Variants in RBFOX1 observed in about 807,000 individuals in gnomAD.
RBFOX1 encodes RNA binding fox-1 homolog 1, also known as RNA binding protein fox-1 homolog 1.
Under a neutral mutation model 57.7 loss-of-function variants are expected in RBFOX1, and 8 were observed. That is an observed-to-expected ratio of 0.14 (90% confidence interval 0.08 to 0.25). The LOEUF (loss-of-function observed/expected upper bound fraction) is 0.25. Ranked by LOEUF, RBFOX1 falls within the 10% of genes least tolerant of loss-of-function variation. RBFOX1 has a pLI of 1.00. For missense variants in RBFOX1, 611 were observed against 548.5 expected (o/e 1.11, Z -1.14); for synonymous variants, 326 against 222.4 (o/e 1.47, Z -4.15).
chr16:7,384,438 G>T (rs531152958), intron 4 of RBFOX1, among the ~76,000 whole-genome samples: 2 of 152,232 alleles, frequency 1.3e-5, no homozygotes, highest in Admixed American at 1.3e-4. Context: ...TTGAATTTAG[G>T]CTTGGAGCTG....
intron 3 of RBFOX1, among the ~76,000 whole-genome samples, chr16:6,907,715 C>T (rs2070411430): frequency 6.6e-6 from 1 of 152,102 alleles, no homozygotes; most frequent in Admixed American, 6.5e-5. Context: ...GGATTACAGG[C>T]ATGCACCACC....
intron 2 of RBFOX1, among the ~76,000 whole-genome samples, chr16:5,586,471 C>A (rs556990543): frequency 6.6e-6 from 1 of 152,278 alleles, no homozygotes; most frequent in Non-Finnish European, 1.5e-5. Context: ...GTTTTACTAA[C>A]TATTGCTATT....
At position 7,710,972 on chromosome 16, in the gene RBFOX1, T is replaced by C; in HGVS notation, c.*227T>C. The stretch of plus-strand genomic sequence containing the variant: ...TCTGAAGGTTCCGTAGTTTGGTTGC[T>C]GGCTGTAGGAGTTTTTGTGGTTGAT... On this transcript the variant is annotated 3_prime_UTR_variant, in exon 16 of 16. Coordinates refer to ENST00000550418, the MANE Select transcript of RBFOX1 (RefSeq NM_018723.4). 2.0e-6 allele frequency: 1 copy of C among 493,998 alleles called. No homozygotes were observed. The allele number at this position is 493,998 out of a possible 1,614,324, so 30.6% of individuals were successfully genotyped here. A position where few individuals can be genotyped will look rare whatever the true frequency, so the allele number is the denominator to read the frequency against.
chr16:6,657,964 T>C (rs2098672202), intron 3 of RBFOX1, among the ~76,000 whole-genome samples: 1 of 152,192 alleles, frequency 6.6e-6, no homozygotes, highest in Non-Finnish European at 1.5e-5. Context: ...TCTGTCTACT[T>C]CGTTTCCAGA....
At chr16:6,949,764 A>G (rs554260464) in intron 3 of RBFOX1, among the ~76,000 whole-genome samples, 50 of 152,004 alleles carry the variant, frequency 3.3e-4, no homozygotes, top group African/African-American at 1.1e-3. Context: ...AAGGGACACA[A>G]TTCGGTTCTG....
chr16:6,045,372 C>T (rs557824688), intron 1 of RBFOX1, among the ~76,000 whole-genome samples: 1 of 152,146 alleles, frequency 6.6e-6, no homozygotes, highest in African/African-American at 2.4e-5. Context: ...TGAGAGTTCT[C>T]TAGGAAGTAG....
intron 1 of RBFOX1, among the ~76,000 whole-genome samples, chr16:6,168,044 GTT>G: frequency 6.6e-6 from 1 of 152,310 alleles, no homozygotes; most frequent in East Asian, 1.9e-4. Flanking sequence ...GAGACTGACA[GTT>G]TTGTCTGTGA....
intron 2 of RBFOX1, among the ~76,000 whole-genome samples, chr16:5,555,430 TA>T (rs1187621441): frequency 2.0e-5 from 3 of 151,764 alleles, no homozygotes; most frequent in African/African-American, 7.3e-5. Flanking sequence ...TTTGTATTTT[TA>T]GTACAGACGC....
At chr16:5,910,069 A>G (rs1246160205) in intron 4 of RBFOX1, among the ~76,000 whole-genome samples, 5 of 148,572 alleles carry the variant, frequency 3.4e-5, no homozygotes, top group African/African-American at 7.8e-5. Context: ...AAAACAAAAA[A>G]CAAAAAAAAA....
chr16:5,980,090 C>T (rs2060142395), intron 4 of RBFOX1, among the ~76,000 whole-genome samples: 1 of 152,236 alleles, frequency 6.6e-6, no homozygotes, highest in Non-Finnish European at 1.5e-5. Context: ...GGAACTTAGG[C>T]TCCTTTCTGC....
At chr16:6,889,633 C>A (rs1037464504) in intron 3 of RBFOX1, among the ~76,000 whole-genome samples, 8 of 152,266 alleles carry the variant, frequency 5.3e-5, no homozygotes, top group African/African-American at 1.7e-4. Flanking sequence ...CAATCCATAT[C>A]CGTAAGCCCA....
intron 2 of RBFOX1, among the ~76,000 whole-genome samples, chr16:6,511,917 T>C (rs1249451069): frequency 6.6e-6 from 1 of 152,020 alleles, no homozygotes; most frequent in Non-Finnish European, 1.5e-5. Flanking sequence ...TTTCATAAAG[T>C]TCAGATTATG....
intron 9 of RBFOX1, among the ~76,000 whole-genome samples, chr16:7,602,022 A>G (rs1043540813): frequency 2.0e-5 from 3 of 152,190 alleles, no homozygotes; most frequent in African/African-American, 7.2e-5. Flanking sequence ...TTTAGAAAGC[A>G]TTGACAGGCA....
At chr16:7,006,158 TTA>T (rs1209096532) in intron 3 of RBFOX1, among the ~76,000 whole-genome samples, 4 of 152,048 alleles carry the variant, frequency 2.6e-5, no homozygotes, top group African/African-American at 9.7e-5. Flanking sequence ...ATTTATTTAT[TTA>T]TTTTTTTTTG....
At chr16:6,885,318 C>G (rs1041485666) in intron 3 of RBFOX1, among the ~76,000 whole-genome samples, 8 of 152,156 alleles carry the variant, frequency 5.3e-5, no homozygotes, top group African/African-American at 1.9e-4. Flanking sequence ...CAAACTGAGT[C>G]AGAAGCTCTA....
chr16:5,428,905 A>G (rs1053374853), intron 1 of RBFOX1, among the ~76,000 whole-genome samples: 2 of 151,898 alleles, frequency 1.3e-5, no homozygotes, highest in African/African-American at 4.8e-5. Context: ...TCAAATATTT[A>G]CTCAGTAAGG....
At chr16:7,463,766 A>G (rs1292074021) in intron 4 of RBFOX1, among the ~76,000 whole-genome samples, 1 of 152,198 alleles carries the variant, frequency 6.6e-6, no homozygotes, top group Non-Finnish European at 1.5e-5. Context: ...TCACAATGAT[A>G]AATGTTAGCA....
chr16:7,340,670 A>T (rs1450311953), intron 4 of RBFOX1, among the ~76,000 whole-genome samples: 2 of 152,180 alleles, frequency 1.3e-5, no homozygotes, highest in Non-Finnish European at 2.9e-5. Flanking sequence ...TGCATAAATA[A>T]ATATATTAAA....
At position 5,946,532 on chromosome 16, in the gene RBFOX1, C is replaced by A. The variant is rs1160993788; in HGVS notation, c.351+79197C>A. ...AGGACATGGAAGTTCTACGCCCTTC[C>A]CCGTATCTCACTCTATGCATATTTT... is the stretch of plus-strand genomic sequence containing the variant. On this transcript the variant is annotated intron_variant, in intron 4 of 19. Transcript: ENST00000641259. The surrounding 1 kb of genome is among the most constrained non-coding windows in gnomAD (Gnocchi z 4.6). 6.7e-6 allele frequency among the ~76,000 whole-genome samples: 1 copy of A among 149,980 alleles called. No homozygotes were observed. The highest frequency in any genetic ancestry group is 1.5e-5 in the Non-Finnish European group (1 of 67,232).
Sources: allele counts gnomAD v4.1 joint callset (sites outside exome capture counted in the v4.1 genomes callset), GRCh38; gene constraint gnomAD v4.1.1; non-coding constraint Gnocchi (gnomAD v3.1); transcripts MANE v1.5; gene names NCBI Gene and HGNC (gene_info 2026-07-23, HGNC 2026-07-21).